The following PATJ variants were observed in gnomAD, a reference collection of about 807,000 sequenced individuals.
The protein encoded by PATJ is inaD-like protein.
PATJ carries 190 observed loss-of-function variants against 224.9 expected under a neutral mutation model. The observed-to-expected ratio is 0.84, with a 90% CI of 0.75 to 0.95. The LOEUF is 0.95. Ranked by LOEUF, PATJ falls within the 40% of genes least tolerant of loss-of-function variation. The pLI, the probability that PATJ is intolerant of heterozygous loss-of-function variation, is 0.00. For missense variants in PATJ, 2,121 were observed against 2,270.3 expected (o/e 0.93, Z 1.34); for synonymous variants, 769 against 820.3 (o/e 0.94, Z 1.07).
chr1:61,820,110 C>T (rs1188572527), intron 14 of PATJ, among the ~76,000 whole-genome samples: 1 of 151,956 alleles, frequency 6.6e-6, no homozygotes. Flanking sequence ...GGCACAATCT[C>T]GGCTCACTGC....
In PATJ at chr1:62,148,436, C is replaced by T. The variant is rs1296565610; in HGVS notation, c.5378+46C>T. 8 of 1,379,874 alleles carry T rather than the reference C, an allele frequency of 5.8e-6. No homozygotes were observed. In the African/African-American group the frequency reaches 1.1e-4, roughly 20 times the overall value. The allele number at this position is 1,379,874 out of a possible 1,614,324, so 85.5% of individuals were successfully genotyped here. A position where few individuals can be genotyped will look rare whatever the true frequency, so the allele number is the denominator to read the frequency against. The stretch of plus-strand genomic sequence containing the variant: ...GGGCCTATTATGCATGTGGGCAAAG[C>T]TCGGAAGAACTTTTCCAGACACTCA... On this transcript the variant is annotated intron_variant, in intron 42 of 43. Coordinates refer to ENST00000642238, the MANE Select transcript of PATJ (RefSeq NM_001350145.3).
chr1:62,133,599 A>G (rs1411127742), intron 41 of PATJ, among the ~76,000 whole-genome samples: 1 of 152,122 alleles, frequency 6.6e-6, no homozygotes, highest in Non-Finnish European at 1.5e-5. Context: ...AATAGAAAAG[A>G]ACCAAGAATA....
At chr1:62,055,145 AGAGAAG>A (rs1348513201) in intron 31 of PATJ, among the ~76,000 whole-genome samples, 1 of 152,180 alleles carries the variant, frequency 6.6e-6, no homozygotes, top group African/African-American at 2.4e-5. Flanking sequence ...CCATATGTAA[AGAGAAG>A]GAGAAGAATT....
chr1:62,073,185 A>T, intron 31 of PATJ: 8 of 985,374 alleles, frequency 8.1e-6, no homozygotes, highest in Non-Finnish European at 9.6e-6. Context: ...TTGCAATGAG[A>T]TCAGATCTTT....
At chr1:62,098,668 T>A (rs1019102957) in intron 33 of PATJ, among the ~76,000 whole-genome samples, 23 of 152,142 alleles carry the variant, frequency 1.5e-4, no homozygotes, top group African/African-American at 5.1e-4. Context: ...AACAAATTGA[T>A]CCAGTTGGTT....
chr1:62,107,469 A>T (rs867772350), intron 33 of PATJ, among the ~76,000 whole-genome samples: 1 of 152,190 alleles, frequency 6.6e-6, no homozygotes, highest in Non-Finnish European at 1.5e-5. Flanking sequence ...GAAGAATTTC[A>T]AAGCTTGACT....
At chr1:61,990,789 G>A (rs1645017844) in intron 28 of PATJ, among the ~76,000 whole-genome samples, 1 of 152,102 alleles carries the variant, frequency 6.6e-6, no homozygotes, top group Admixed American at 6.6e-5. Context: ...ACAAGAGCCT[G>A]TGAACTTCTC....
chr1:61,869,289 G>A (rs888269824), intron 20 of PATJ, among the ~76,000 whole-genome samples: 3 of 151,304 alleles, frequency 2.0e-5, no homozygotes, highest in Non-Finnish European at 4.4e-5. Context: ...TGTATTTTTA[G>A]TAGAGACGGG....
intron 17 of PATJ, among the ~76,000 whole-genome samples, chr1:61,853,984 G>C (rs1663244787): frequency 6.6e-6 from 1 of 152,136 alleles, no homozygotes. Flanking sequence ...ACATTTGAAG[G>C]CATTCTTCAA....
chr1:61,827,565 C>G lies in PATJ; in HGVS notation c.1962C>G (p.Thr654=), dbSNP rs147628816. Reference sequence around the variant, plus strand: ...TAGATGAACCAAGGCGCACTGAAACCTCTCTTCCTGAGACAGAGGTACTAA... The same window carrying G: ...TAGATGAACCAAGGCGCACTGAAACGTCTCTTCCTGAGACAGAGGTACTAA... ...ASVDEPRRTE[T]SLPETEVDHN... Residue 654 remains threonine (T), a synonymous_variant, in exon 16 of 44, where the codon ACC becomes ACG. Transcript: ENST00000642238. 2.5e-6 allele frequency: 4 copies of G among 1,613,836 alleles called. No homozygotes were observed. Among genetic ancestry groups the G allele is most frequent in the Non-Finnish European group, 3.4e-6 (4 of 1,179,882 alleles).
At chr1:61,919,372 G>A (rs906834182) in intron 26 of PATJ, among the ~76,000 whole-genome samples, 9 of 151,186 alleles carry the variant, frequency 6.0e-5, no homozygotes, top group African/African-American at 2.2e-4. Flanking sequence ...GAGTGCAGTG[G>A]GGCAATCATG....
At chr1:62,097,814 C>T (rs1661576831) in intron 33 of PATJ, among the ~76,000 whole-genome samples, 2 of 152,126 alleles carry the variant, frequency 1.3e-5, no homozygotes, top group Non-Finnish European at 2.9e-5. Context: ...CTTGTTCAAC[C>T]TATGCGAGTT....
intron 25 of PATJ, 41 bp downstream of exon 25, chr1:61,908,523 CTG>C (rs1672171206): frequency 8.1e-7 from 1 of 1,228,572 alleles, no homozygotes; most frequent in Non-Finnish European, 1.2e-6. Flanking sequence ...TAACAACACT[CTG>C]TATACCTGCA....
Position 61,901,459 on chromosome 1 carries a change from G to C in PATJ, c.3381G>C (p.Glu1127Asp), listed in dbSNP as rs773933823. The C allele has an allele frequency of 6.4e-7, 1 of 1,570,574 alleles. No individual in the cohort carries two copies. The highest frequency in any genetic ancestry group is 8.6e-7 in the Non-Finnish European group (1 of 1,161,620). The change falls in exon 24 of 44, where the codon GAG (glutamate) becomes GAC (aspartate). Residue 1127 changes from glutamate to aspartate, a missense_variant and splice_region_variant. Physicochemically the swap from Glu to Asp is conservative, Grantham distance 45 (BLOSUM62 2). Transcript: ENST00000642238. ...NALKTGDKIL[E>D]VSGVDLQNAS... is the part of the protein sequence containing the mutation. ...TTAAAACTGGAGATAAAATACTTGA[G>C]GTAAATGATGTTAAAGTACTGTTTT... is the stretch of plus-strand genomic sequence containing the variant.
At chr1:62,011,895 C>T (rs544125137) in intron 28 of PATJ, among the ~76,000 whole-genome samples, 9 of 151,860 alleles carry the variant, frequency 5.9e-5, no homozygotes, top group African/African-American at 1.5e-4. Flanking sequence ...GGTATGGTGG[C>T]GCATGCCTGT....
chr1:62,159,156 CACATT>C (rs1344898843), intron 43 of PATJ, among the ~76,000 whole-genome samples: 1 of 152,106 alleles, frequency 6.6e-6, no homozygotes, highest in Non-Finnish European at 1.5e-5. Flanking sequence ...ATACAGTTGA[CACATT>C]ACTTTCTTAA....
chr1:62,024,749 C>T (rs1178783450), intron 29 of PATJ, among the ~76,000 whole-genome samples: 2 of 151,294 alleles, frequency 1.3e-5, no homozygotes, highest in Non-Finnish European at 2.9e-5. Context: ...CTGTCTCCCT[C>T]TGTGGAAGGT....
At chr1:61,982,779 G>A (rs7545474) in intron 27 of PATJ, among the ~76,000 whole-genome samples, 4,993 of 152,012 alleles carry the variant, frequency 0.033, 320 homozygotes, top group African/African-American at 0.11. Flanking sequence ...TGTGTGTGGT[G>A]TGTATTTTTG....
At chr1:61,929,578 T>C (rs1017406493) in intron 27 of PATJ, among the ~76,000 whole-genome samples, 1 of 152,206 alleles carries the variant, frequency 6.6e-6, no homozygotes, top group Non-Finnish European at 1.5e-5. Context: ...GTTCTAATTA[T>C]ACAAATGAAA....
Sources: allele counts gnomAD v4.1 joint callset (sites outside exome capture counted in the v4.1 genomes callset), GRCh38; gene constraint gnomAD v4.1.1; transcripts MANE v1.5; gene names NCBI Gene and HGNC (gene_info 2026-07-23, HGNC 2026-07-21).